RGS6: variants seen among roughly 807,000 people sequenced by gnomAD.
RGS6 encodes regulator of G protein signaling 6.
A neutral mutation model predicts 78.5 loss-of-function variants in RGS6; 30 were observed. The ratio of observed to expected loss-of-function variants is 0.38; its 90% CI spans 0.29 to 0.52. The LOEUF (loss-of-function observed/expected upper bound fraction) is 0.52. Ranked by LOEUF, RGS6 falls within the 20% of genes least tolerant of loss-of-function variation. RGS6 has a pLI of 0.85. For missense variants in RGS6, 495 were observed against 609.7 expected, an observed-to-expected ratio of 0.81 and a Z score of 1.98; for synonymous variants, 206 against 206.0, an observed-to-expected ratio of 1.00 and a Z score of 0.00.
intron 6 of RGS6, 109 bp from the exon 7 acceptor site, chr14:72,465,649 G>GATGGATGGATGA: frequency 1.4e-6 from 1 of 735,066 alleles, no homozygotes; most frequent in Non-Finnish European, 2.4e-6. Flanking sequence ...TGGATGGATG[G>GATGGATGGATGA]ATGGATGGAT....
At chr14:72,459,484 G>A (rs779037148) in intron 5 of RGS6, 148 bp from the exon 6 acceptor site, 2 of 700,602 alleles carry the variant, frequency 2.9e-6, no homozygotes, top group Non-Finnish European at 4.9e-6. Flanking sequence ...CACCTTAGCT[G>A]AATTAGAGAA....
intron 3 of RGS6, among the ~76,000 whole-genome samples, chr14:72,409,922 C>T (rs1597076230): frequency 2.0e-5 from 3 of 152,242 alleles, no homozygotes; most frequent in African/African-American, 7.2e-5. Context: ...CATAGTATTC[C>T]ATGTTGTATA....
chr14:72,456,858 G>C (rs1371360608), intron 4 of RGS6, among the ~76,000 whole-genome samples: 1 of 151,874 alleles, frequency 6.6e-6, no homozygotes, highest in African/African-American at 2.4e-5. Context: ...TGGGAGGACT[G>C]CTTGAGCCCA....
intron 3 of RGS6, among the ~76,000 whole-genome samples, chr14:72,353,656 G>T (rs976715461): frequency 1.3e-5 from 2 of 152,174 alleles, no homozygotes; most frequent in Admixed American, 1.3e-4. Context: ...ACTGATTATG[G>T]TGATGGTAAC....
chr14:72,125,983 C>G (rs957558117), intron 2 of RGS6, among the ~76,000 whole-genome samples: 1 of 152,082 alleles, frequency 6.6e-6, no homozygotes, highest in Admixed American at 6.6e-5. Context: ...AGTTTAGATA[C>G]TTTTAGGTAT....
At chr14:72,277,324 G>A (rs1276161977) in intron 2 of RGS6, among the ~76,000 whole-genome samples, 2 of 152,328 alleles carry the variant, frequency 1.3e-5, no homozygotes, top group East Asian at 3.9e-4. Flanking sequence ...CTAGCCGGGT[G>A]CGGTGGCTCA....
At chr14:72,509,321 C>T (rs1311573573) in intron 13 of RGS6, among the ~76,000 whole-genome samples, 3 of 150,992 alleles carry the variant, frequency 2.0e-5, no homozygotes, top group South Asian at 2.1e-4. Flanking sequence ...GCCACAATCA[C>T]GCCACTGCAC....
chr14:72,626,395 T>G, the RGS6 span, among the ~76,000 whole-genome samples: 2 of 152,170 alleles, frequency 1.3e-5, no homozygotes. Flanking sequence ...CATGTAGGTT[T>G]TCTTATGTCT....
intron 2 of RGS6, 98 bp downstream of exon 2, chr14:71,964,973 C>T (rs986670988): frequency 6.3e-6 from 5 of 795,994 alleles, no homozygotes; most frequent in Non-Finnish European, 9.4e-6. Context: ...CCTAAACTGC[C>T]TTACTGATAA....
At chr14:72,425,203 A>G (rs984482712) in intron 3 of RGS6, among the ~76,000 whole-genome samples, 4 of 152,114 alleles carry the variant, frequency 2.6e-5, no homozygotes, top group Non-Finnish European at 4.4e-5. Context: ...TAGTGGTACA[A>G]TCTTGACTCA....
intron 2 of RGS6, among the ~76,000 whole-genome samples, chr14:72,138,453 T>TG (rs1057457938): frequency 6.7e-6 from 1 of 148,956 alleles, no homozygotes; most frequent in African/African-American, 2.5e-5. Context: ...GTACCTGTTT[T>TG]TTTTTTTTTT....
At chr14:72,198,939 T>C (rs4902998) in intron 2 of RGS6, among the ~76,000 whole-genome samples, 3 of 152,034 alleles carry the variant, frequency 2.0e-5, no homozygotes, top group African/African-American at 7.2e-5. Context: ...AGAAATTACT[T>C]CAGAAACGTA....
At chr14:72,272,802 GAAAT>G (rs1426822304) in intron 2 of RGS6, among the ~76,000 whole-genome samples, 1 of 152,186 alleles carries the variant, frequency 6.6e-6, no homozygotes, top group African/African-American at 2.4e-5. Context: ...CTCTACAGTT[GAAAT>G]ATCAGCTTTA....
intron 2 of RGS6, among the ~76,000 whole-genome samples, chr14:72,275,339 A>G (rs1327774216): frequency 6.6e-6 from 1 of 152,228 alleles, no homozygotes; most frequent in Non-Finnish European, 1.5e-5. Flanking sequence ...ATCTCAGTGG[A>G]TAGTCCCCAG....
Position 72,566,452 on chromosome 14 carries a change from T to C in RGS6, c.*3985T>C, listed in dbSNP as rs200971231. ...TGTGGTTCTCTTTAGTTTATTTTTCTGGAATTTGGGGATTGGACCCCAGAA... is the reference window on the plus strand; with the variant it reads ...TGTGGTTCTCTTTAGTTTATTTTTCCGGAATTTGGGGATTGGACCCCAGAA... On this transcript the variant is annotated 3_prime_UTR_variant, in exon 18 of 18. Coordinates refer to ENST00000553525, the MANE Select transcript of RGS6 (RefSeq NM_001204424.2). 1.3e-5 allele frequency: 2 copies of C among 152,218 alleles called. No homozygotes were observed. The highest frequency in any genetic ancestry group is 3.9e-4 in the East Asian group (2 of 5,188). 9.4% of individuals were successfully genotyped at this position (152,218 alleles called of 1,614,324 possible).
upstream of RGS6, among the ~76,000 whole-genome samples, chr14:71,931,458 G>A (rs1285290040): frequency 6.6e-6 from 1 of 152,132 alleles, no homozygotes; most frequent in Admixed American, 6.5e-5. Flanking sequence ...AGAATGGCGG[G>A]AAAAGACACA....
At chr14:72,097,498 A>G (rs1453276267) in intron 2 of RGS6, among the ~76,000 whole-genome samples, 1 of 152,190 alleles carries the variant, frequency 6.6e-6, no homozygotes, top group Admixed American at 6.5e-5. Flanking sequence ...GCAAGTTTTA[A>G]AAATCCTTAG....
At chr14:72,290,634 A>G (rs1424044217) in intron 2 of RGS6, among the ~76,000 whole-genome samples, 1 of 152,192 alleles carries the variant, frequency 6.6e-6, no homozygotes, top group African/African-American at 2.4e-5. Context: ...GTTGCTGATA[A>G]GTCAGTGTGG....
chr14:72,525,750 A>T (rs2097108903), intron 15 of RGS6, among the ~76,000 whole-genome samples: 1 of 152,150 alleles, frequency 6.6e-6, no homozygotes, highest in African/African-American at 2.4e-5. Context: ...GACCACACCA[A>T]GTTTCCTGGT....
Sources: gnomAD v4.1 joint callset for allele counts (sites outside exome capture counted in the v4.1 genomes callset) on GRCh38, gnomAD v4.1.1 for gene constraint, MANE v1.5 for transcripts, NCBI Gene and HGNC (gene_info 2026-07-23, HGNC 2026-07-21) for gene names.